IKZF2: variants seen among roughly 807,000 people sequenced by gnomAD.
The protein encoded by IKZF2 is zinc finger protein Helios.
Under a neutral mutation model 49.2 loss-of-function variants are expected in IKZF2, and 15 were observed. The observed-to-expected ratio is 0.30, with a 90% CI of 0.20 to 0.47. The LOEUF (loss-of-function observed/expected upper bound fraction) is 0.47. Among genes scored for constraint, IKZF2 ranks in the 20% least tolerant of loss-of-function variants. IKZF2 has a pLI of 1.00. For missense variants in IKZF2, 567 were observed against 664.6 expected (o/e 0.85, Z 1.61); for synonymous variants, 227 against 221.4 (o/e 1.03, Z -0.23).
At chr2:213,014,076 G>A (rs988394975) in intron 7 of IKZF2, 142 bp from the exon 8 acceptor site, 38 of 653,746 alleles carry the variant, frequency 5.8e-5, no homozygotes, top group Non-Finnish European at 9.9e-5. Context: ...CCTCTAGTGT[G>A]AAAGTATACT....
chr2:213,139,043 C>G (rs1025721607), intron 4 of IKZF2, among the ~76,000 whole-genome samples: 3 of 151,870 alleles, frequency 2.0e-5, no homozygotes, highest in African/African-American at 7.2e-5. Context: ...AGGAAGTATC[C>G]TTTATGGGCA....
At chr2:213,084,275 T>C (rs1704310836) in intron 4 of IKZF2, among the ~76,000 whole-genome samples, 1 of 152,196 alleles carries the variant, frequency 6.6e-6, no homozygotes, top group South Asian at 2.1e-4. Flanking sequence ...AAATTTGAGA[T>C]AATAACTTTC....
chr2:213,028,961 T>G (rs571021115), intron 6 of IKZF2, among the ~76,000 whole-genome samples: 1 of 152,082 alleles, frequency 6.6e-6, no homozygotes, highest in South Asian at 2.1e-4. Context: ...ATATGGAAAA[T>G]TACATTGTGA....
chr2:213,092,420 T>C (rs138056706), intron 4 of IKZF2, among the ~76,000 whole-genome samples: 1 of 152,278 alleles, frequency 6.6e-6, no homozygotes, highest in Non-Finnish European at 1.5e-5. Flanking sequence ...ACTTCAAATA[T>C]AGCTGGCTAG....
At chr2:213,045,725 C>T (rs923616925) in intron 6 of IKZF2, among the ~76,000 whole-genome samples, 2 of 152,168 alleles carry the variant, frequency 1.3e-5, no homozygotes, top group African/African-American at 4.8e-5. Context: ...TGAAATAGAT[C>T]CTCCATTGTA....
At chr2:213,091,292 C>G (rs779448431) in intron 4 of IKZF2, among the ~76,000 whole-genome samples, 1 of 152,094 alleles carries the variant, frequency 6.6e-6, no homozygotes, top group Admixed American at 6.6e-5. Context: ...AAAATGTGGA[C>G]TTTGTTCATT....
intron 4 of IKZF2, among the ~76,000 whole-genome samples, chr2:213,107,050 A>G (rs2059557826): frequency 6.6e-6 from 1 of 152,192 alleles, no homozygotes; most frequent in Admixed American, 6.5e-5. Flanking sequence ...TATCACATAT[A>G]GAAGGACACG....
intron 4 of IKZF2, among the ~76,000 whole-genome samples, chr2:213,080,477 T>C (rs1292106895): frequency 6.6e-6 from 1 of 152,098 alleles, no homozygotes; most frequent in Non-Finnish European, 1.5e-5. Flanking sequence ...GTTATGAAAC[T>C]GCAACTATTA....
chr2:213,056,343 T>G (rs1396141331), intron 5 of IKZF2, among the ~76,000 whole-genome samples: 1 of 152,162 alleles, frequency 6.6e-6, no homozygotes, highest in Non-Finnish European at 1.5e-5. Flanking sequence ...CAAAAGCACC[T>G]GCCTGCTACT....
At chr2:213,101,487 T>C (rs1190976223) in intron 4 of IKZF2, among the ~76,000 whole-genome samples, 2 of 152,200 alleles carry the variant, frequency 1.3e-5, no homozygotes, top group African/African-American at 4.8e-5. Context: ...GATATACAAA[T>C]TTCCTTCACA....
At chr2:213,088,747 G>A (rs1159503862) in intron 4 of IKZF2, among the ~76,000 whole-genome samples, 1 of 152,104 alleles carries the variant, frequency 6.6e-6, no homozygotes, top group Non-Finnish European at 1.5e-5. Context: ...AACAGAGCGA[G>A]ACTCTGTCTC....
intron 4 of IKZF2, among the ~76,000 whole-genome samples, chr2:213,142,378 C>T (rs1400325872): frequency 6.6e-6 from 1 of 151,834 alleles, no homozygotes; most frequent in African/African-American, 2.4e-5. Context: ...GTGCAATATA[C>T]AGAAAAGAGC....
At chr2:213,033,355 G>A (rs1233088521) in intron 6 of IKZF2, among the ~76,000 whole-genome samples, 1 of 152,136 alleles carries the variant, frequency 6.6e-6, no homozygotes, top group Non-Finnish European at 1.5e-5. Context: ...AATCACAAAT[G>A]TTCTCAATGA....
At chr2:213,074,221 A>G (rs576446667) in intron 4 of IKZF2, among the ~76,000 whole-genome samples, 1 of 152,328 alleles carries the variant, frequency 6.6e-6, no homozygotes, top group African/African-American at 2.4e-5. Flanking sequence ...AAAATCAACT[A>G]TCACCTAACT....
intron 4 of IKZF2, among the ~76,000 whole-genome samples, chr2:213,106,235 CTT>C (rs1235972891): frequency 2.0e-5 from 3 of 151,678 alleles, no homozygotes; most frequent in African/African-American, 7.3e-5. Context: ...AAAAAAATCT[CTT>C]TTGTGGTTGA....
At chr2:213,083,747 C>A (rs4673724) in intron 4 of IKZF2, among the ~76,000 whole-genome samples, 1 of 149,978 alleles carries the variant, frequency 6.7e-6, no homozygotes, top group African/African-American at 2.5e-5. Flanking sequence ...AGAGATCTAG[C>A]TTGTGTGCTC....
intron 4 of IKZF2, among the ~76,000 whole-genome samples, chr2:213,077,827 A>T (rs1703450187): frequency 6.6e-6 from 1 of 151,942 alleles, no homozygotes; most frequent in Non-Finnish European, 1.5e-5. Context: ...TGACCTCGTG[A>T]TCCACCCTCC....
At chr2:213,114,703 C>G (rs1482449647) in intron 4 of IKZF2, among the ~76,000 whole-genome samples, 1 of 152,004 alleles carries the variant, frequency 6.6e-6, no homozygotes, top group Non-Finnish European at 1.5e-5. Context: ...GGAGGGCAAC[C>G]TGGGCGGATC....
intron 4 of IKZF2, among the ~76,000 whole-genome samples, chr2:213,127,656 A>C (rs2125874766): frequency 6.6e-6 from 1 of 152,340 alleles, no homozygotes; most frequent in African/African-American, 2.4e-5. Flanking sequence ...TTACACACAA[A>C]TAGTCCTAGC....
Sources: allele counts gnomAD v4.1 joint callset (sites outside exome capture counted in the v4.1 genomes callset), GRCh38; gene constraint gnomAD v4.1.1; transcripts MANE v1.5; gene names NCBI Gene and HGNC (gene_info 2026-07-23, HGNC 2026-07-21).